MAP3K15: variants seen among roughly 807,000 people sequenced by gnomAD.
MAP3K15 encodes the protein mitogen-activated protein kinase kinase kinase 15, also known as MAPK/ERK kinase kinase 15.
A neutral mutation model predicts 99.5 loss-of-function variants in MAP3K15; 124 were observed. That is an observed-to-expected ratio of 1.25 (90% confidence interval 1.08 to 1.45). The LOEUF (loss-of-function observed/expected upper bound fraction) is 1.45, where lower values mean the gene tolerates loss of function less well. MAP3K15 is among the 40% of genes most tolerant of loss of function. The pLI, the probability that MAP3K15 is intolerant of heterozygous loss-of-function variation, is 0.00. For missense variants in MAP3K15, 1,242 were observed against 1,079.7 expected (o/e 1.15, Z -2.11); for synonymous variants, 494 against 439.6 (o/e 1.12, Z -1.55).
rs1295595472 is a variant in MAP3K15 at position 19,407,650 on chromosome X, G to T, written c.1749-367C>A. The stretch of plus-strand genomic sequence containing the variant: ...GTGAAATAATTTATTGTGGTATTAA[G>T]GGAATTTCTAGATTCGGAAAGTATC... On this transcript the variant is annotated intron_variant, in intron 12 of 28. Transcript: ENST00000338883. Among the ~76,000 whole-genome samples, 5 of 112,475 alleles carry T rather than the reference G, an allele frequency of 4.4e-5. No homozygotes were observed. The East Asian group carries it at 1.1e-3, about 25-fold the overall frequency.
In MAP3K15 at chrX:19,404,815, G is replaced by A. The variant is rs185669803; in HGVS notation, c.1844+2373C>T. Among the ~76,000 whole-genome samples the A allele has an allele frequency of 2.7e-3, 298 of 111,515 alleles. 1 individual carries two copies. Among genetic ancestry groups the A allele is most frequent in the Non-Finnish European group, 4.2e-3 (223 of 53,026 alleles). ...GGTGCTAGGACAACCACATATCCACGTTAAAGAATAAAGTTGGAACCCCTA... is the reference window on the plus strand; with the variant it reads ...GGTGCTAGGACAACCACATATCCACATTAAAGAATAAAGTTGGAACCCCTA... On this transcript the variant is annotated intron_variant, in intron 13 of 28. Coordinates refer to ENST00000338883, the MANE Select transcript of MAP3K15 (RefSeq NM_001001671.4).
At chrX:19,476,828 C>A (rs2064246251) in intron 3 of MAP3K15, among the ~76,000 whole-genome samples, 1 of 111,888 alleles carries the variant, frequency 8.9e-6, no homozygotes, top group Non-Finnish European at 1.9e-5. Context: ...ATGGCCATCA[C>A]AAAGTCACAG....
chrX:19,372,039 C>T (rs141629298), intron 22 of MAP3K15, among the ~76,000 whole-genome samples: 2,220 of 107,014 alleles, frequency 0.021, 65 homozygotes, highest in African/African-American at 0.072. Context: ...AAGGCTGAGG[C>T]GGGAGAATCA....
chrX:19,415,198 A>T lies in MAP3K15; in HGVS notation c.1499T>A (p.Ile500Asn). ...LLIRRFKKTI[I>N]EHSPRQERLN... ...CCGCTCTTGCCTGGGCGAGTGTTCA[A>T]TAATGGTTTTCTTGAAGCGCCGAAT... Residue 500 changes from isoleucine (I) to asparagine (N), a missense_variant, in exon 10 of 29, where the codon ATT (isoleucine) becomes AAT (asparagine). Ile to Asn is a moderately radical substitution (Grantham distance 149, BLOSUM62 -3). Transcript: ENST00000338883. 3 of 1,180,995 alleles carry T rather than the reference A, an allele frequency of 2.5e-6. No homozygotes were observed. The highest frequency in any genetic ancestry group is 6.0e-5 in the East Asian group (2 of 33,277).
rs371275375 is a variant in MAP3K15, at chrX:19,398,354, C to T, written c.1938G>A (p.Glu646=). 5 of 1,208,662 alleles carry T rather than the reference C, an allele frequency of 4.1e-6. No homozygotes were observed. The highest frequency in any genetic ancestry group is 5.6e-6 in the Non-Finnish European group (5 of 894,750). ...GETDGDTLEY[E]YDHDANGERV... is the part of the protein sequence containing the mutation. Reference sequence around the variant, plus strand: ...TCTCACCATTTGCATCATGGTCATACTCATACTGAAGAAGGAAAAACAAAA... The same window carrying T: ...TCTCACCATTTGCATCATGGTCATATTCATACTGAAGAAGGAAAAACAAAA... The change falls in exon 15 of 29, where the codon GAG becomes GAA. Residue 646 remains glutamate, a synonymous_variant. Coordinates refer to ENST00000338883, the MANE Select transcript of MAP3K15 (RefSeq NM_001001671.4).
chrX:19,443,794 T>C (rs1286139673), intron 6 of MAP3K15, among the ~76,000 whole-genome samples: 1 of 111,254 alleles, frequency 9.0e-6, no homozygotes, highest in Non-Finnish European at 1.9e-5. Context: ...GTCATTTCTA[T>C]TCCTCTTATG....
intron 6 of MAP3K15, among the ~76,000 whole-genome samples, chrX:19,454,531 C>T (rs766532789): frequency 1.3e-3 from 140 of 111,379 alleles, no homozygotes; most frequent in Non-Finnish European, 1.9e-3. Flanking sequence ...GAAAGCTGAC[C>T]GGCTCGAGCC....
At chrX:19,480,756 G>T (rs1162340968) in intron 3 of MAP3K15, among the ~76,000 whole-genome samples, 2 of 105,789 alleles carry the variant, frequency 1.9e-5, no homozygotes, top group Non-Finnish European at 3.9e-5. Flanking sequence ...AACCCGGGAG[G>T]CAGAGGTTGC....
intron 20 of MAP3K15, 68 bp downstream of exon 20, chrX:19,374,409 G>A: frequency 9.6e-7 from 1 of 1,043,851 alleles, no homozygotes; most frequent in South Asian, 2.1e-5. Context: ...CTCCTGAGCA[G>A]CAGAGAAGCC....
intron 6 of MAP3K15, among the ~76,000 whole-genome samples, chrX:19,432,873 C>T (rs981114166): frequency 4.5e-5 from 5 of 110,358 alleles, no homozygotes; most frequent in Admixed American, 9.7e-5. Context: ...TGCACCACCA[C>T]GCCCAACTAA....
intron 4 of MAP3K15, among the ~76,000 whole-genome samples, chrX:19,462,364 A>C (rs1281793246): frequency 8.9e-6 from 1 of 111,772 alleles, no homozygotes; most frequent in Non-Finnish European, 1.9e-5. Flanking sequence ...CATCCCAATA[A>C]TGAACAAAAT....
intron 3 of MAP3K15, among the ~76,000 whole-genome samples, chrX:19,479,907 C>T (rs912092558): frequency 8.9e-6 from 1 of 112,182 alleles, no homozygotes; most frequent in African/African-American, 3.2e-5. Context: ...ACCAAAAAGT[C>T]AATTACATTT....
intron 21 of MAP3K15, 106 bp downstream of exon 21, chrX:19,373,430 T>G (rs2063392558): frequency 1.0e-6 from 1 of 997,271 alleles, no homozygotes; most frequent in African/African-American, 1.9e-5. Context: ...AGAAGGGAAG[T>G]AAAACCCCTC....
At chrX:19,384,764 A>AAC (rs2063483715) in intron 18 of MAP3K15, among the ~76,000 whole-genome samples, 1 of 103,064 alleles carries the variant, frequency 9.7e-6, no homozygotes, top group Non-Finnish European at 2.0e-5. Flanking sequence ...AAAAAAAAAA[A>AAC]AAAAAAAAAA....
intron 1 of MAP3K15, among the ~76,000 whole-genome samples, chrX:19,510,766 A>T (rs967962442): frequency 6.2e-5 from 7 of 112,042 alleles, no homozygotes; most frequent in Non-Finnish European, 1.9e-5. Flanking sequence ...CTGTTTGTAG[A>T]CAACATGATT....
At chrX:19,424,157 G>A (rs2063809219) in intron 9 of MAP3K15, among the ~76,000 whole-genome samples, 1 of 108,688 alleles carries the variant, frequency 9.2e-6, no homozygotes, top group South Asian at 4.0e-4. Flanking sequence ...CAGCTTTTCT[G>A]AGTTCTGTGA....
At chrX:19,512,238 G>T (rs1015172649) in intron 1 of MAP3K15, among the ~76,000 whole-genome samples, 2 of 111,189 alleles carry the variant, frequency 1.8e-5, no homozygotes, top group African/African-American at 3.3e-5. Flanking sequence ...CTAGATGACA[G>T]GTTGATTGGT....
At chrX:19,441,818 T>C (rs1413917057) in intron 6 of MAP3K15, among the ~76,000 whole-genome samples, 1 of 111,418 alleles carries the variant, frequency 9.0e-6, no homozygotes, top group Non-Finnish European at 1.9e-5. Context: ...CAAACACAGA[T>C]ACAAAACCTC....
intron 15 of MAP3K15, among the ~76,000 whole-genome samples, chrX:19,395,690 A>T (rs2063563068): frequency 9.0e-6 from 1 of 111,201 alleles, no homozygotes; most frequent in South Asian, 3.7e-4. Context: ...TTTTTAATCC[A>T]TTCCCCAACC....
Sources: gnomAD v4.1 joint callset for allele counts (sites outside exome capture counted in the v4.1 genomes callset) on GRCh38, gnomAD v4.1.1 for gene constraint, MANE v1.5 for transcripts, NCBI Gene and HGNC (gene_info 2026-07-23, HGNC 2026-07-21) for gene names.